The following CDH8 variants were observed in gnomAD, a reference collection of about 807,000 sequenced individuals.
CDH8 encodes the protein cadherin 8.
CDH8 carries 17 observed loss-of-function variants against 68.1 expected under a neutral mutation model. That is an observed-to-expected ratio of 0.25 (90% CI 0.17 to 0.37). CDH8 has a LOEUF of 0.37. Among genes scored for constraint, CDH8 ranks in the 10% least tolerant of loss-of-function variants. The probability of loss-of-function intolerance (pLI) is 1.00; values close to 1 mark genes in which losing one functional copy is unlikely to be tolerated. For missense variants in CDH8, 763 were observed against 999.3 expected (o/e 0.76, Z 3.19); for synonymous variants, 372 against 365.1 (o/e 1.02, Z -0.21).
chr16:61,835,755 A>G (rs1003630701), intron 4 of CDH8, among the ~76,000 whole-genome samples: 1 of 151,996 alleles, frequency 6.6e-6, no homozygotes, highest in African/African-American at 2.4e-5. Context: ...AATTACACGT[A>G]TAATAAGTAT....
chr16:61,846,252 A>G (rs184235357), intron 4 of CDH8, among the ~76,000 whole-genome samples: 2 of 152,074 alleles, frequency 1.3e-5, no homozygotes, highest in Non-Finnish European at 1.5e-5. Context: ...TAAATTAATG[A>G]TCTCATTGCC....
chr16:61,687,412 A>T (rs1964131050), intron 10 of CDH8, among the ~76,000 whole-genome samples: 1 of 152,012 alleles, frequency 6.6e-6, no homozygotes, highest in Admixed American at 6.6e-5. Flanking sequence ...AGGCTCAGAT[A>T]GTCTAACTAC....
chr16:62,011,966 C>G (rs1004280279), intron 2 of CDH8, among the ~76,000 whole-genome samples: 1 of 152,112 alleles, frequency 6.6e-6, no homozygotes, highest in Non-Finnish European at 1.5e-5. Flanking sequence ...ATGAAATATT[C>G]AAAGACTTAG....
intron 2 of CDH8, among the ~76,000 whole-genome samples, chr16:61,995,656 C>T (rs1218599947): frequency 3.9e-5 from 6 of 152,198 alleles, no homozygotes; most frequent in African/African-American, 9.6e-5. Context: ...GGATTACAGG[C>T]GTGAGCCATG....
At chr16:61,667,685 T>A (rs1249110516) in intron 10 of CDH8, 2 of 152,016 alleles carry the variant, frequency 1.3e-5, no homozygotes, top group Admixed American at 1.3e-4. Flanking sequence ...AGAATAAGCA[T>A]CTGTTGTTTT....
intron 8 of CDH8, among the ~76,000 whole-genome samples, chr16:61,755,412 A>G: frequency 6.6e-6 from 1 of 152,282 alleles, no homozygotes; most frequent in Middle Eastern, 3.4e-3. Context: ...GTATTTATGT[A>G]TAGCCACGTA....
chr16:61,924,676 T>A (rs567635028), intron 2 of CDH8, among the ~76,000 whole-genome samples: 1 of 141,320 alleles, frequency 7.1e-6, no homozygotes, highest in East Asian at 1.9e-4. Flanking sequence ...AATATTAGTT[T>A]CTGTTTTTTT....
At chr16:61,898,598 C>T (rs561835165) in intron 3 of CDH8, among the ~76,000 whole-genome samples, 7 of 152,186 alleles carry the variant, frequency 4.6e-5, no homozygotes, top group Admixed American at 3.9e-4. Context: ...TAAGAAATAA[C>T]ATGGTTAGAA....
intron 1 of CDH8, among the ~76,000 whole-genome samples, chr16:62,026,685 G>C (rs928431593): frequency 1.2e-4 from 19 of 152,218 alleles, no homozygotes; most frequent in African/African-American, 4.3e-4. Context: ...GAAAATTGCT[G>C]AGCTAACTGG....
At chr16:61,895,082 C>T (rs1318508824) in intron 3 of CDH8, among the ~76,000 whole-genome samples, 1 of 152,070 alleles carries the variant, frequency 6.6e-6, no homozygotes, top group Admixed American at 6.6e-5. Context: ...TTTTAAAGTG[C>T]TCATATTCCT....
At chr16:61,709,523 G>A (rs1964590104) in intron 10 of CDH8, among the ~76,000 whole-genome samples, 1 of 152,110 alleles carries the variant, frequency 6.6e-6, no homozygotes. Context: ...TAGGCTGATG[G>A]TAGTCAAAAA....
At chr16:61,986,954 T>C (rs1287345779) in intron 2 of CDH8, among the ~76,000 whole-genome samples, 1 of 152,190 alleles carries the variant, frequency 6.6e-6, no homozygotes, top group African/African-American at 2.4e-5. Context: ...ACCTACTGAT[T>C]ATTCGCAACA....
At chr16:61,853,398 G>T (rs1247261356) in intron 4 of CDH8, among the ~76,000 whole-genome samples, 41 of 152,214 alleles carry the variant, frequency 2.7e-4, no homozygotes, top group Non-Finnish European at 1.3e-4. Context: ...CAGCAAAGAA[G>T]AGCTGACAGT....
At chr16:61,859,780 A>G (rs1963117257) in intron 3 of CDH8, among the ~76,000 whole-genome samples, 1 of 152,198 alleles carries the variant, frequency 6.6e-6, no homozygotes, top group Admixed American at 6.5e-5. Flanking sequence ...TGTTGCTAAC[A>G]TAACAATATT....
chr16:61,653,173 A>G lies in CDH8; in HGVS notation c.*435T>C. ...TTTGTGGCGGGATCCTTATTGGTGA[A>G]GGGGAAAAAACCATTTGCATTCATA... On this transcript the variant is annotated 3_prime_UTR_variant, in exon 12 of 12. Coordinates refer to ENST00000577390, the MANE Select transcript of CDH8 (RefSeq NM_001796.5). 8.2e-7 allele frequency: 1 copy of G among 1,226,144 alleles called. No individual in the cohort carries two copies. The highest frequency in any genetic ancestry group is 1.0e-6 in the Non-Finnish European group (1 of 985,232). The allele number at this position is 1,226,144 out of a possible 1,614,324, so 76.0% of individuals were successfully genotyped here. A position where few individuals can be genotyped will look rare whatever the true frequency, so the allele number is the denominator to read the frequency against.
chr16:61,823,684 T>C (rs1439140041), intron 5 of CDH8, among the ~76,000 whole-genome samples: 1 of 151,942 alleles, frequency 6.6e-6, no homozygotes, highest in Non-Finnish European at 1.5e-5. Context: ...AATCTTTAAA[T>C]GGCCTCCTAA....
chr16:61,893,340 C>T (rs1020159264), intron 3 of CDH8, among the ~76,000 whole-genome samples: 4 of 152,096 alleles, frequency 2.6e-5, no homozygotes, highest in Admixed American at 6.6e-5. Context: ...TAAGGTCATA[C>T]GCTAAGGTTC....
chr16:61,765,447 C>G (rs1208176571), intron 8 of CDH8, among the ~76,000 whole-genome samples: 1 of 151,916 alleles, frequency 6.6e-6, no homozygotes, highest in East Asian at 1.9e-4. Context: ...AGTTGAGATA[C>G]TCATTCAGCT....
At chr16:61,777,312 C>A (rs776844403) in intron 8 of CDH8, among the ~76,000 whole-genome samples, 19 of 152,114 alleles carry the variant, frequency 1.2e-4, no homozygotes, top group Non-Finnish European at 2.5e-4. Context: ...TTGCTATGAG[C>A]TACCAGTTAG....
Sources: gnomAD v4.1 joint callset for allele counts (sites outside exome capture counted in the v4.1 genomes callset) on GRCh38, gnomAD v4.1.1 for gene constraint, MANE v1.5 for transcripts, NCBI Gene and HGNC (gene_info 2026-07-23, HGNC 2026-07-21) for gene names.